Variants in POLR3G observed in about 807,000 individuals in gnomAD.
POLR3G encodes the protein DNA-directed RNA polymerase III subunit RPC7.
Under a neutral mutation model 30.1 loss-of-function variants are expected in POLR3G, and 28 were observed. That is an observed-to-expected ratio of 0.93 (90% CI 0.69 to 1.27). POLR3G has a LOEUF of 1.27. Ranked by LOEUF, POLR3G falls within the 50% of genes most tolerant of loss-of-function variation. The pLI, the probability that POLR3G is intolerant of heterozygous loss-of-function variation, is 0.00. For missense variants in POLR3G, 254 were observed against 264.6 expected (o/e 0.96, Z 0.28); for synonymous variants, 79 against 82.5 (o/e 0.96, Z 0.23).
At position 90,488,074 on chromosome 5, in the gene POLR3G, G is replaced by T. The variant is rs376243020; in HGVS notation, c.192G>T (p.Leu64Phe). The T allele has an allele frequency of 8.7e-6, 14 of 1,612,016 alleles. No individual in the cohort carries two copies. In the South Asian group the frequency reaches 1.3e-4, roughly 15 times the overall value. The change falls in exon 3 of 8, where the codon TTG becomes TTT. Residue 64 changes from leucine (L) to phenylalanine (F), a missense_variant. Coordinates refer to ENST00000651687, the MANE Select transcript of POLR3G (RefSeq NM_006467.3). ...ATATGCTGGCTTTGAAACAGGAGTT[G>T]AGAGAAACAATGAAAAGAATGCCTT... ...EEYMLALKQE[L>F]RETMKRMPYF... is the part of the protein sequence containing the mutation.
At chr5:90,474,202 T>G, upstream of POLR3G, 1 of 1,611,818 alleles carries the variant, frequency 6.2e-7, no homozygotes, top group South Asian at 1.1e-5. Context: ...AGCCAGATGT[T>G]GGCACGGTTG....
intron 2 of POLR3G, among the ~76,000 whole-genome samples, chr5:90,486,956 A>G (rs1751466949): frequency 6.6e-6 from 1 of 152,234 alleles, no homozygotes; most frequent in South Asian, 2.1e-4. Flanking sequence ...AATTTTGAAA[A>G]TGTACCTTAT....
At chr5:90,507,125 G>A (rs1042132968) in intron 7 of POLR3G, among the ~76,000 whole-genome samples, 2 of 152,232 alleles carry the variant, frequency 1.3e-5, no homozygotes, top group African/African-American at 2.4e-5. Context: ...ATCTGGCTGA[G>A]TCAGGACTCT....
upstream of POLR3G, chr5:90,473,977 C>A (rs527320315): frequency 1.8e-5 from 29 of 1,598,412 alleles, no homozygotes; most frequent in South Asian, 3.4e-5. Context: ...GCCAGCGCCT[C>A]GGCCTCGGCG....
At chr5:90,498,148 C>T (rs952055188) in intron 5 of POLR3G, among the ~76,000 whole-genome samples, 1 of 151,910 alleles carries the variant, frequency 6.6e-6, no homozygotes, top group Admixed American at 6.6e-5. Context: ...TCTCTGTCCC[C>T]CCATGTATGT....
chr5:90,511,996 A>G, intron 7 of POLR3G, 57 bp from the exon 8 acceptor site: 1 of 1,188,384 alleles, frequency 8.4e-7, no homozygotes, highest in Non-Finnish European at 1.2e-6. Flanking sequence ...GGCCTGGAAT[A>G]TTTTCTTACT....
At chr5:90,487,412 G>A (rs1464191445) in intron 2 of POLR3G, among the ~76,000 whole-genome samples, 1 of 76,392 alleles carries the variant, frequency 1.3e-5, no homozygotes, top group Non-Finnish European at 2.3e-5. Flanking sequence ...TTTTTTGTGA[G>A]ACGGACTCTA....
At chr5:90,476,369 G>A (rs1750819217) in intron 1 of POLR3G, among the ~76,000 whole-genome samples, 1 of 152,198 alleles carries the variant, frequency 6.6e-6, no homozygotes, top group Admixed American at 6.5e-5. Flanking sequence ...GGAAGATAAT[G>A]TCTGTACACA....
intron 5 of POLR3G, among the ~76,000 whole-genome samples, chr5:90,498,152 T>G (rs574675167): frequency 9.9e-5 from 15 of 152,212 alleles, no homozygotes; most frequent in Admixed American, 5.2e-4. Context: ...TGTCCCCCCA[T>G]GTATGTGTGT....
In POLR3G at chr5:90,511,723, A is replaced by T. The variant is rs577544618; in HGVS notation, c.586-330A>T. On this transcript the variant is annotated intron_variant, in intron 7 of 7. Coordinates refer to ENST00000651687, the MANE Select transcript of POLR3G (RefSeq NM_006467.3). ...GTGTAGTCTAATGGATGTTAATGTA[A>T]ACTGGCTTTTTTTCTTGTCTGTGCA... Among the ~76,000 whole-genome samples, 30 of 152,208 alleles carry T rather than the reference A, an allele frequency of 2.0e-4. No individual in the cohort carries two copies. The East Asian group carries it at 5.8e-3, about 29-fold the overall frequency.
At position 90,479,329 on chromosome 5, in the gene POLR3G, C is replaced by T. The variant is rs560300850; in HGVS notation, c.-44+4309C>T. Among the ~76,000 whole-genome samples the T allele has an allele frequency of 1.5e-4, 23 of 152,134 alleles. No homozygotes were observed. In the East Asian group the frequency reaches 2.3e-3, roughly 15 times the overall value. On this transcript the variant is annotated intron_variant, in intron 1 of 7. Transcript: ENST00000651687. ...CTTTACTAAAAATACAAAAATTAGC[C>T]GGGCTTGGTGGCAGGCACCAGTAAT...
At position 90,485,694 on chromosome 5, in the gene POLR3G, T is replaced by C. The variant is rs1403146207; in HGVS notation, c.117+10T>C. On this transcript the variant is annotated intron_variant, in intron 2 of 7. Transcript: ENST00000651687. ...ACCCCCACTATTTCCTGTAAGTATA[T>C]GAACAGTTGAATTCTCATAGTGTGT... is the stretch of plus-strand genomic sequence containing the variant. The C allele has an allele frequency of 6.4e-7, 1 of 1,567,750 alleles. No individual in the cohort carries two copies. Among genetic ancestry groups the C allele is most frequent in the Admixed American group, 1.7e-5 (1 of 58,902 alleles).
intron 1 of POLR3G, among the ~76,000 whole-genome samples, chr5:90,484,721 T>C (rs1396811672): frequency 6.6e-6 from 1 of 152,174 alleles, no homozygotes; most frequent in East Asian, 1.9e-4. Context: ...CCAGGGGACA[T>C]ACCATTTCTC....
chr5:90,513,833 A>G lies in POLR3G; in HGVS notation c.*1694A>G, dbSNP rs759662128. On this transcript the variant is annotated 3_prime_UTR_variant, in exon 8 of 8. Coordinates refer to ENST00000651687, the MANE Select transcript of POLR3G (RefSeq NM_006467.3). ...TAAGCCTTAGAATAGAAACCTCACA[A>G]AAAGTTGTCATTTGCGGTTGATAAT... The G allele has an allele frequency of 6.6e-6, 1 of 152,226 alleles. No individual in the cohort carries two copies. The highest frequency in any genetic ancestry group is 1.9e-4 in the East Asian group (1 of 5,204). 9.4% of individuals were successfully genotyped at this position (152,226 alleles called of 1,614,324 possible).
intron 5 of POLR3G, 85 bp downstream of exon 5, chr5:90,497,791 A>G: frequency 1.4e-6 from 2 of 1,462,434 alleles, no homozygotes; most frequent in Non-Finnish European, 1.8e-6. Flanking sequence ...ACCCAAAGTT[A>G]TACTCACTGT....
intron 3 of POLR3G, chr5:90,490,746 G>T (rs905085655): frequency 3.8e-6 from 1 of 261,874 alleles, no homozygotes; most frequent in Non-Finnish European, 7.7e-6. Context: ...AAAAACACAC[G>T]CATGTTAAAA....
chr5:90,495,792 G>GT (rs898823057), intron 4 of POLR3G, 59 bp downstream of exon 4: 31,621 of 1,134,300 alleles, frequency 0.028, no homozygotes, highest in South Asian at 0.043. Context: ...CTCACCTCAT[G>GT]TTTTTTTTTT....
intron 5 of POLR3G, among the ~76,000 whole-genome samples, chr5:90,499,254 A>C (rs1049618910): frequency 6.6e-6 from 1 of 152,162 alleles, no homozygotes; most frequent in Non-Finnish European, 1.5e-5. Context: ...CAGGAATGCC[A>C]ACATTTAATG....
intron 6 of POLR3G, among the ~76,000 whole-genome samples, chr5:90,503,053 C>G (rs1005539443): frequency 6.6e-6 from 1 of 152,052 alleles, no homozygotes; most frequent in African/African-American, 2.4e-5. Context: ...GGAGGTTATA[C>G]CAATTTACTA....
Sources: allele counts gnomAD v4.1 joint callset (sites outside exome capture counted in the v4.1 genomes callset), GRCh38; gene constraint gnomAD v4.1.1; transcripts MANE v1.5; gene names NCBI Gene and HGNC (gene_info 2026-07-23, HGNC 2026-07-21).